DLG5: variants seen among roughly 807,000 people sequenced by gnomAD.
DLG5 encodes discs large MAGUK scaffold protein 5, also known as disks large homolog 5.
Under a neutral mutation model 189.8 loss-of-function variants are expected in DLG5, and 48 were observed. That is an observed-to-expected ratio of 0.25 (90% CI 0.20 to 0.32). The LOEUF (loss-of-function observed/expected upper bound fraction) is 0.32. Ranked by LOEUF, DLG5 falls within the 10% of genes least tolerant of loss-of-function variation. The pLI, the probability that DLG5 is intolerant of heterozygous loss-of-function variation, is 1.00. For synonymous variants in DLG5, 1,016 were observed against 1,054.1 expected (o/e 0.96, Z 0.70); for missense variants, 2,160 against 2,544.7 (o/e 0.85, Z 3.25).
intron 2 of DLG5, among the ~76,000 whole-genome samples, chr10:77,862,785 G>C (rs940410534): frequency 2.0e-5 from 3 of 152,144 alleles, no homozygotes; most frequent in African/African-American, 7.2e-5. Context: ...GGGGGAAGCT[G>C]GAATGCCCTG....
At chr10:77,807,028 T>C (rs1603641149) in intron 25 of DLG5, 100 bp from the exon 26 acceptor site, 1 of 1,356,944 alleles carries the variant, frequency 7.4e-7, no homozygotes, top group Non-Finnish European at 1.0e-6. Context: ...CCATTCTGCT[T>C]TGGGCTGTCT....
intron 2 of DLG5, among the ~76,000 whole-genome samples, chr10:77,860,556 C>G (rs1844433871): frequency 6.6e-6 from 1 of 152,242 alleles, no homozygotes; most frequent in African/African-American, 2.4e-5. Flanking sequence ...TCACCTTGGC[C>G]TCCCAAAGTG....
At chr10:77,880,017 G>A (rs1034989698) in intron 1 of DLG5, among the ~76,000 whole-genome samples, 7 of 152,118 alleles carry the variant, frequency 4.6e-5, no homozygotes, top group African/African-American at 1.7e-4. Flanking sequence ...ATCACCCAAG[G>A]AAGGAGTACA....
intron 5 of DLG5, among the ~76,000 whole-genome samples, chr10:77,851,717 A>G (rs1360313009): frequency 6.6e-6 from 1 of 152,222 alleles, no homozygotes; most frequent in African/African-American, 2.4e-5. Context: ...ACCTCAATCA[A>G]TATCGGAGAA....
At chr10:77,832,691 T>A (rs1342945993) in intron 9 of DLG5, among the ~76,000 whole-genome samples, 1 of 152,146 alleles carries the variant, frequency 6.6e-6, no homozygotes. Flanking sequence ...GCAAACATGC[T>A]GAATGAACAC....
At chr10:77,817,631 C>A in intron 18 of DLG5, 146 bp downstream of exon 18, 1 of 689,778 alleles carries the variant, frequency 1.4e-6, no homozygotes, top group Non-Finnish European at 2.4e-6. Flanking sequence ...AAGGAAGCAG[C>A]CCTTCCCAGT....
Position 77,805,815 on chromosome 10 carries a change from C to T in DLG5, c.5014G>A (p.Asp1672Asn). The change falls in exon 27 of 32, where the codon GAT (aspartate) becomes AAT (asparagine). Residue 1672 changes from aspartate (D) to asparagine (N), a missense_variant. Asp to Asn is a conservative substitution (Grantham distance 23). Coordinates refer to ENST00000372391, the MANE Select transcript of DLG5 (RefSeq NM_004747.4). ...SRRLSMSEVK[D>N]DNSATKTLSA... ...AGCGTCTTTGTGGCGCTATTGTCATCTTTGACTTCAGACATGCTGAGCCTC... is the reference window on the plus strand; with the variant it reads ...AGCGTCTTTGTGGCGCTATTGTCATTTTTGACTTCAGACATGCTGAGCCTC... 1 of 1,614,162 alleles carries T rather than the reference C, an allele frequency of 6.2e-7. No individual in the cohort carries two copies.
At chr10:77,905,637 G>A (rs1023744064) in intron 1 of DLG5, among the ~76,000 whole-genome samples, 1 of 152,154 alleles carries the variant, frequency 6.6e-6, no homozygotes, top group African/African-American at 2.4e-5. Context: ...CCATTTCTGG[G>A]TGAACGACCT....
intron 2 of DLG5, among the ~76,000 whole-genome samples, chr10:77,861,534 G>A (rs1041148507): frequency 3.3e-5 from 5 of 152,182 alleles, no homozygotes; most frequent in South Asian, 2.1e-4. Flanking sequence ...GTCTCCAGAC[G>A]TCTCAGTCTA....
intron 27 of DLG5, among the ~76,000 whole-genome samples, chr10:77,804,300 T>G (rs1841365846): frequency 6.6e-6 from 1 of 152,220 alleles, no homozygotes; most frequent in South Asian, 2.1e-4. Context: ...TTTTTACATC[T>G]TACATTTTAA....
At chr10:77,890,722 C>T (rs1845582546) in intron 1 of DLG5, among the ~76,000 whole-genome samples, 1 of 152,212 alleles carries the variant, frequency 6.6e-6, no homozygotes, top group Non-Finnish European at 1.5e-5. Flanking sequence ...ACTTGGATGT[C>T]TCAAGGTAGC....
At chr10:77,895,163 C>T (rs1298046290) in intron 1 of DLG5, among the ~76,000 whole-genome samples, 1 of 152,204 alleles carries the variant, frequency 6.6e-6, no homozygotes, top group Non-Finnish European at 1.5e-5. Context: ...AGGCACTCAG[C>T]TGACAGACCC....
At chr10:77,859,582 T>C (rs2801825) in intron 2 of DLG5, among the ~76,000 whole-genome samples, 113,044 of 152,210 alleles carry the variant, frequency 0.74, 42,952 homozygotes, top group African/African-American at 0.91. Context: ...TACCATGCTG[T>C]ACAGGTTTGC....
intron 20 of DLG5, 72 bp downstream of exon 20, chr10:77,816,479 A>T: frequency 6.2e-7 from 1 of 1,604,748 alleles, no homozygotes; most frequent in Non-Finnish European, 8.5e-7. Flanking sequence ...TTCCCTGCAG[A>T]GCCCAGGCCC....
At chr10:77,892,184 G>C (rs1447700896) in intron 1 of DLG5, among the ~76,000 whole-genome samples, 1 of 152,206 alleles carries the variant, frequency 6.6e-6, no homozygotes, top group Non-Finnish European at 1.5e-5. Flanking sequence ...TCCTGGCTCT[G>C]ATCGCAGTAG....
rs376548467 is a variant in DLG5 at position 77,809,602 on chromosome 10, T to C, written c.4592A>G (p.Asp1531Gly). The C allele has an allele frequency of 2.0e-5, 33 of 1,614,110 alleles. No individual in the cohort carries two copies. The African/African-American group carries it at 4.0e-4, about 20-fold the overall frequency. Residue 1531 changes from aspartate (D) to glycine (G), a missense_variant, in exon 24 of 32, where the codon GAT (aspartate) becomes GGT (glycine). By Grantham distance (94) the Asp-to-Gly change is moderately conservative (BLOSUM62 -1). Coordinates refer to ENST00000372391, the MANE Select transcript of DLG5 (RefSeq NM_004747.4). Reference sequence around the variant, plus strand: ...GTCAGGACCCTTGGCAGGACTGTCATCCTCCACCTCGGCCACAAACACCCC... The same window carrying C: ...GTCAGGACCCTTGGCAGGACTGTCACCCTCCACCTCGGCCACAAACACCCC... ...LHGVFVAEVE[D>G]DSPAKGPDGL... is the part of the protein sequence containing the mutation.
intron 8 of DLG5, among the ~76,000 whole-genome samples, chr10:77,835,087 CT>C (rs140937900): frequency 0.013 from 1,968 of 152,250 alleles, 38 homozygotes; most frequent in African/African-American, 0.045. Flanking sequence ...ACACCTGCCC[CT>C]GGGAATCTCG....
intron 1 of DLG5, among the ~76,000 whole-genome samples, chr10:77,891,714 G>A (rs1030614273): frequency 2.0e-5 from 3 of 152,094 alleles, no homozygotes; most frequent in South Asian, 2.1e-4. Context: ...AAAAAAGGTC[G>A]CTGGATCCTA....
At chr10:77,853,663 G>T in intron 4 of DLG5, 126 bp from the exon 5 acceptor site, 1 of 983,814 alleles carries the variant, frequency 1.0e-6, no homozygotes, top group Non-Finnish European at 1.4e-6. Context: ...CCAATGGCAG[G>T]TAGGTCTGTA....
Sources: gnomAD v4.1 joint callset for allele counts (sites outside exome capture counted in the v4.1 genomes callset) on GRCh38, gnomAD v4.1.1 for gene constraint, MANE v1.5 for transcripts, NCBI Gene and HGNC (gene_info 2026-07-23, HGNC 2026-07-21) for gene names.